GPC6: variants seen among roughly 807,000 people sequenced by gnomAD.
The protein encoded by GPC6 is glypican 6.
Under a neutral mutation model 55.2 loss-of-function variants are expected in GPC6, and 14 were observed. That is an observed-to-expected ratio of 0.25 (90% CI 0.17 to 0.40). GPC6 has a LOEUF of 0.40. Among genes scored for constraint, GPC6 ranks in the 10% least tolerant of loss-of-function variants. The pLI is 1.00. For synonymous variants in GPC6, 278 were observed against 259.6 expected, an observed-to-expected ratio of 1.07 and a Z score of -0.68; for missense variants, 641 against 708.5, an observed-to-expected ratio of 0.90 and a Z score of 1.08.
chr13:94,186,321 T>C (rs1368795448), intron 4 of GPC6, among the ~76,000 whole-genome samples: 1 of 152,188 alleles, frequency 6.6e-6, no homozygotes, highest in Non-Finnish European at 1.5e-5. Flanking sequence ...TGCCTTTAGC[T>C]TTTGAAAAAC....
intron 2 of GPC6, among the ~76,000 whole-genome samples, chr13:93,810,903 T>C (rs1022028803): frequency 2.6e-5 from 4 of 152,242 alleles, no homozygotes; most frequent in Admixed American, 6.5e-5. Context: ...ACCAGTTTGC[T>C]TAATGTTGTT....
At chr13:93,248,391 A>G (rs1179031826) in intron 1 of GPC6, among the ~76,000 whole-genome samples, 2 of 152,008 alleles carry the variant, frequency 1.3e-5, no homozygotes, top group Admixed American at 6.6e-5. Flanking sequence ...GTTTGAAAAA[A>G]AAAAAGTCTA....
At chr13:93,638,890 A>G (rs1879802955) in intron 2 of GPC6, among the ~76,000 whole-genome samples, 2 of 152,124 alleles carry the variant, frequency 1.3e-5, no homozygotes, top group African/African-American at 4.8e-5. Flanking sequence ...TATTCCAGAA[A>G]TATTTGCATA....
chr13:93,244,111 C>A (rs1178678097), intron 1 of GPC6, among the ~76,000 whole-genome samples: 3 of 152,108 alleles, frequency 2.0e-5, no homozygotes, highest in Non-Finnish European at 4.4e-5. Flanking sequence ...GGGAAATTCC[C>A]TGGCCACTGG....
At chr13:93,950,711 ATCGTGG>A (rs1879216030) in intron 3 of GPC6, among the ~76,000 whole-genome samples, 1 of 152,068 alleles carries the variant, frequency 6.6e-6, no homozygotes, top group Non-Finnish European at 1.5e-5. Flanking sequence ...TTCTGGCTTT[ATCGTGG>A]TTTCATCATC....
At chr13:93,547,804 TC>T (rs1874911344) in intron 2 of GPC6, among the ~76,000 whole-genome samples, 8 of 137,606 alleles carry the variant, frequency 5.8e-5, no homozygotes, top group African/African-American at 2.9e-4. Context: ...ATAATAATAA[TC>T]ATCATCATCA....
At chr13:94,263,068 A>G (rs1891700792) in intron 4 of GPC6, among the ~76,000 whole-genome samples, 1 of 152,218 alleles carries the variant, frequency 6.6e-6, no homozygotes. Context: ...TGCTTCCTTC[A>G]TATGTTGTCT....
At chr13:93,365,124 CCATGGACCAG>C (rs1396072115) in intron 1 of GPC6, among the ~76,000 whole-genome samples, 1 of 152,146 alleles carries the variant, frequency 6.6e-6, no homozygotes, top group African/African-American at 2.4e-5. Flanking sequence ...TTCTCTGAAG[CCATGGACCAG>C]CATGTTTGAC....
chr13:94,245,402 A>T (rs565889541), intron 4 of GPC6, among the ~76,000 whole-genome samples: 25 of 145,392 alleles, frequency 1.7e-4, no homozygotes, highest in Admixed American at 4.8e-4. Flanking sequence ...TATATAAAAT[A>T]AAAAAAAAAA....
At chr13:93,275,590 G>C (rs1033152866) in intron 1 of GPC6, among the ~76,000 whole-genome samples, 1 of 152,102 alleles carries the variant, frequency 6.6e-6, no homozygotes, top group African/African-American at 2.4e-5. Context: ...GGCAGCTTTG[G>C]TATCATCTGA....
At chr13:94,232,911 G>C (rs951553291) in intron 4 of GPC6, among the ~76,000 whole-genome samples, 1 of 150,688 alleles carries the variant, frequency 6.6e-6, no homozygotes, top group Non-Finnish European at 1.5e-5. Context: ...TGTGTAACCA[G>C]GTAATGTAAT....
chr13:94,043,761 C>CAT (rs1367409128), intron 4 of GPC6, among the ~76,000 whole-genome samples: 35 of 151,696 alleles, frequency 2.3e-4, no homozygotes, highest in Admixed American at 3.3e-4. Context: ...GTTGCTAACC[C>CAT]ATACTCCTTT....
intron 1 of GPC6, among the ~76,000 whole-genome samples, chr13:93,313,626 C>T (rs1048007520): frequency 6.6e-6 from 1 of 152,106 alleles, no homozygotes; most frequent in Non-Finnish European, 1.5e-5. Context: ...ACCCTCTATA[C>T]ATTTTCCATC....
At chr13:94,030,261 G>T (rs1036392587) in intron 4 of GPC6, among the ~76,000 whole-genome samples, 2 of 151,912 alleles carry the variant, frequency 1.3e-5, no homozygotes, top group Non-Finnish European at 2.9e-5. Flanking sequence ...TGCCCGCCTC[G>T]GCCTCCCAAA....
chr13:93,834,157 G>A (rs1423767955), intron 3 of GPC6, among the ~76,000 whole-genome samples: 3 of 152,148 alleles, frequency 2.0e-5, no homozygotes, highest in African/African-American at 7.2e-5. Flanking sequence ...ACTGTTACAT[G>A]TGCATACAAT....
chr13:93,461,077 A>ATG (rs886338062), intron 1 of GPC6, among the ~76,000 whole-genome samples: 1 of 152,102 alleles, frequency 6.6e-6, no homozygotes, highest in Non-Finnish European at 1.5e-5. Flanking sequence ...TCAAAGCCAT[A>ATG]TGTGTGTGTT....
chr13:94,114,835 A>G (rs1486272346), intron 4 of GPC6, among the ~76,000 whole-genome samples: 2 of 152,176 alleles, frequency 1.3e-5, no homozygotes, highest in African/African-American at 2.4e-5. Flanking sequence ...TATTGTCTCA[A>G]GTAATCTTCA....
chr13:93,531,832 C>T (rs1881879969), intron 1 of GPC6, among the ~76,000 whole-genome samples: 1 of 152,110 alleles, frequency 6.6e-6, no homozygotes, highest in South Asian at 2.1e-4. Flanking sequence ...TAATGGATAG[C>T]ACACAACTTC....
intron 1 of GPC6, among the ~76,000 whole-genome samples, chr13:93,386,437 C>A (rs1051750639): frequency 6.6e-6 from 1 of 152,098 alleles, no homozygotes; most frequent in Non-Finnish European, 1.5e-5. Flanking sequence ...CCCACGGGAA[C>A]CAATCTTGTT....
Sources: gnomAD v4.1 joint callset for allele counts (sites outside exome capture counted in the v4.1 genomes callset) on GRCh38, gnomAD v4.1.1 for gene constraint, MANE v1.5 for transcripts, NCBI Gene and HGNC (gene_info 2026-07-23, HGNC 2026-07-21) for gene names.